The following DNAJC17 variants were observed in gnomAD, a reference collection of about 807,000 sequenced individuals.
DNAJC17 encodes the protein DnaJ heat shock protein family (Hsp40) member C17, also known as dnaJ homolog subfamily C member 17.
In DNAJC17, 35 loss-of-function variants were observed where a neutral mutation model predicts 48.1. The observed-to-expected ratio is 0.73, with a 90% CI of 0.56 to 0.96. DNAJC17 has a LOEUF of 0.96. Ranked by LOEUF, DNAJC17 falls within the 50% of genes least tolerant of loss-of-function variation. DNAJC17 has a pLI of 0.00. For missense variants in DNAJC17, 355 were observed against 377.1 expected (o/e 0.94, Z 0.48); for synonymous variants, 117 against 142.7 (o/e 0.82, Z 1.28).
intron 1 of DNAJC17, among the ~76,000 whole-genome samples, chr15:40,788,281 G>A (rs1889695306): frequency 6.6e-6 from 1 of 152,230 alleles, no homozygotes; most frequent in Non-Finnish European, 1.5e-5. Flanking sequence ...AGTCCCCTCT[G>A]GCCAGGCATG....
At chr15:40,783,469 C>T (rs551727877) in intron 1 of DNAJC17, among the ~76,000 whole-genome samples, 1 of 152,300 alleles carries the variant, frequency 6.6e-6, no homozygotes, top group South Asian at 2.1e-4. Flanking sequence ...TGCAACACTA[C>T]CTTCAAGATG....
At position 40,767,882 on chromosome 15, in the gene DNAJC17, A is replaced by G. The variant is rs1229015913; in HGVS notation, c.*58T>C. On this transcript the variant is annotated 3_prime_UTR_variant, in exon 11 of 11. Transcript: ENST00000220496. Reference sequence around the variant, plus strand: ...ATAGAGGTAAAATCTTAAAAAAAAAAAAAATTTATTGGTGACGTTGAAGAA... The same window carrying G: ...ATAGAGGTAAAATCTTAAAAAAAAAGAAAATTTATTGGTGACGTTGAAGAA... 1.9e-6 allele frequency: 3 copies of G among 1,590,102 alleles called. No homozygotes were observed. Among genetic ancestry groups the G allele is most frequent in the African/African-American group, 2.7e-5 (2 of 72,882 alleles).
intron 1 of DNAJC17, chr15:40,807,149 AC>A: frequency 8.6e-7 from 1 of 1,169,284 alleles, no homozygotes; most frequent in South Asian, 1.6e-5. Flanking sequence ...GAGCACAGCC[AC>A]CCGGCGCGAA....
chr15:40,792,174 CA>C (rs1315987313), intron 1 of DNAJC17, among the ~76,000 whole-genome samples: 1 of 152,224 alleles, frequency 6.6e-6, no homozygotes, highest in East Asian at 1.9e-4. Context: ...CCTCTGTCCT[CA>C]AAAACCAAGT....
chr15:40,770,446 A>G lies in DNAJC17; in HGVS notation c.793-2384T>C. The G allele has an allele frequency of 6.6e-7, 1 of 1,504,140 alleles. No individual in the cohort carries two copies. The highest frequency in any genetic ancestry group is 8.9e-7 in the Non-Finnish European group (1 of 1,125,024). The allele number at this position is 1,504,140 out of a possible 1,614,324, so 93.2% of individuals were successfully genotyped here. On this transcript the variant is annotated intron_variant, in intron 10 of 10. Transcript: ENST00000220496. The surrounding 1 kb of genome is among the most constrained non-coding windows in gnomAD (Gnocchi z 5.0). ...CACTCACTGCCCCAGCAGGGACCAC[A>G]TGCACCCTGGCTGCTCCTGAACACC...
At chr15:40,784,839 T>C (rs557312401) in intron 1 of DNAJC17, among the ~76,000 whole-genome samples, 1 of 152,250 alleles carries the variant, frequency 6.6e-6, no homozygotes, top group Non-Finnish European at 1.5e-5. Context: ...GGCTTACACA[T>C]GTAATCCCAG....
At chr15:40,805,690 C>T (rs1387857365) in intron 1 of DNAJC17, among the ~76,000 whole-genome samples, 1 of 150,746 alleles carries the variant, frequency 6.6e-6, no homozygotes, top group Non-Finnish European at 1.5e-5. Context: ...ATTAGCCGGG[C>T]ATGGTGGCAG....
Position 40,766,991 on chromosome 15 carries a change from C to T in DNAJC17, c.*949G>A, listed in dbSNP as rs1427630384. The T allele has an allele frequency of 8.3e-6, 3 of 361,718 alleles. No individual in the cohort carries two copies. Among genetic ancestry groups the T allele is most frequent in the Non-Finnish European group, 1.5e-5 (3 of 202,484 alleles). The allele number at this position is 361,718 out of a possible 1,614,324, so 22.4% of individuals were successfully genotyped here. ...TTAACCCCTCTGTTTTCTCATCTAT[C>T]AATGGCCACAACAGTGGCACCTTCA... On this transcript the variant is annotated 3_prime_UTR_variant, in exon 11 of 11. Transcript: ENST00000220496.
At chr15:40,783,428 C>T (rs1454161644) in intron 1 of DNAJC17, among the ~76,000 whole-genome samples, 7 of 152,114 alleles carry the variant, frequency 4.6e-5, no homozygotes, top group South Asian at 4.1e-4. Context: ...GAGGGGGAGG[C>T]GGTCCATGTC....
Position 40,776,215 on chromosome 15 carries a change from C to T in DNAJC17, c.459G>A (p.Glu153=), listed in dbSNP as rs960951302. The T allele has an allele frequency of 5.0e-6, 8 of 1,613,884 alleles. No homozygotes were observed. Among genetic ancestry groups the T allele is most frequent in the East Asian group, 4.5e-5 (2 of 44,886 alleles). Residue 153 remains glutamate, a synonymous_variant, in exon 6 of 11, where the codon GAG becomes GAA. Transcript: ENST00000220496. Reference sequence around the variant, plus strand: ...CTGCACCTCTCAACCTCTGGTCACGCTCCTGGCGTATCTGCTCCCGGATGA... The same window carrying T: ...CTGCACCTCTCAACCTCTGGTCACGTTCCTGGCGTATCTGCTCCCGGATGA... The part of the protein sequence containing the change: ...QRLIREQIRQ[E]RDQRLRGKAE...
chr15:40,780,316 C>A, intron 1 of DNAJC17: 2 of 527,680 alleles, frequency 3.8e-6, no homozygotes, highest in Non-Finnish European at 7.3e-6. Flanking sequence ...AGGTACTCTA[C>A]ACATTCTTGG....
intron 1 of DNAJC17, among the ~76,000 whole-genome samples, chr15:40,803,964 T>C (rs1890137327): frequency 1.5e-5 from 2 of 135,776 alleles, no homozygotes; most frequent in South Asian, 4.8e-4. Context: ...TGCACACTAG[T>C]GTTGAATTTT....
Position 40,775,090 on chromosome 15 carries a change from T to C in DNAJC17, c.541A>G (p.Lys181Glu). 1.2e-6 allele frequency: 2 copies of C among 1,614,128 alleles called. No homozygotes were observed. The highest frequency in any genetic ancestry group is 1.7e-6 in the Non-Finnish European group (2 of 1,180,010). Residue 181 changes from lysine (K) to glutamate (E), a missense_variant, in exon 8 of 11, where the codon AAG (lysine) becomes GAG (glutamate). Lys to Glu is a moderately conservative substitution (Grantham distance 56, BLOSUM62 1). Around this residue, in one of 3 missense-constraint regions of DNAJC17, gnomAD observed 68 missense variants for 109.5 expected, o/e 0.62. Transcript: ENST00000220496. ...TAGCCACCTTTTGACTCATCCTCCT[T>C]CTTGCACTTCCATTTTAGCTGAAAA... ...PKLKLKWKCKKEDESKGGYSK... is the reference protein window; with the variant it reads ...PKLKLKWKCKEEDESKGGYSK...
At chr15:40,775,143 G>A in intron 7 of DNAJC17, 35 bp from the exon 8 acceptor site, 2 of 1,603,282 alleles carry the variant, frequency 1.2e-6, no homozygotes, top group Non-Finnish European at 1.7e-6. Context: ...CTGATTCTTG[G>A]CTGAACAGTA....
intron 1 of DNAJC17, among the ~76,000 whole-genome samples, chr15:40,794,973 C>A (rs1889910650): frequency 6.6e-6 from 1 of 151,380 alleles, no homozygotes; most frequent in Non-Finnish European, 1.5e-5. Context: ...CCCGCCTCGG[C>A]CTCCCAAAGT....
chr15:40,774,739 G>C (rs1889269338), intron 8 of DNAJC17, among the ~76,000 whole-genome samples: 2 of 152,244 alleles, frequency 1.3e-5, no homozygotes, highest in Non-Finnish European at 2.9e-5. Context: ...TTTCGTGCCA[G>C]ATACGCACCT....
chr15:40,772,960 T>C (rs1453533121), intron 10 of DNAJC17, among the ~76,000 whole-genome samples: 5 of 106,944 alleles, frequency 4.7e-5, no homozygotes, highest in African/African-American at 1.6e-4. Context: ...GAGTTCCTTC[T>C]TTTTTTTTTT....
At chr15:40,779,515 G>T in intron 3 of DNAJC17, 30 bp downstream of exon 3, 1 of 1,613,980 alleles carries the variant, frequency 6.2e-7, no homozygotes, top group Non-Finnish European at 8.5e-7. Context: ...AACCATGGGG[G>T]ACGATTCCGA....
rs73398522 is a variant in DNAJC17, at chr15:40,773,927, T to C, written c.682-90A>G. The C allele has an allele frequency of 9.0e-3, 10,686 of 1,181,434 alleles. 767 individuals carry two copies. The African/African-American group carries it at 0.15, about 17-fold the overall frequency. 73.2% of individuals were successfully genotyped at this position (1,181,434 alleles called of 1,614,324 possible). On this transcript the variant is annotated intron_variant, in intron 9 of 10. Coordinates refer to ENST00000220496, the MANE Select transcript of DNAJC17 (RefSeq NM_018163.3). ...CCCCACAGAGAGAACGGAACCAGCG[T>C]TCTAGCCCTCTAAGCAGAGATGCCA...
Sources: gnomAD v4.1 joint callset for allele counts (sites outside exome capture counted in the v4.1 genomes callset) on GRCh38, gnomAD v4.1.1 for gene constraint, gnomAD v4.1.1 regional missense constraint, Gnocchi (gnomAD v3.1) non-coding constraint, MANE v1.5 for transcripts, NCBI Gene and HGNC (gene_info 2026-07-23, HGNC 2026-07-21) for gene names.